The following RELCH variants were observed in gnomAD, a reference collection of about 807,000 sequenced individuals.
RELCH encodes the protein RAB11 binding and LisH domain, coiled-coil and HEAT repeat containing.
Under a neutral mutation model 150.3 loss-of-function variants are expected in RELCH, and 41 were observed. That is an observed-to-expected ratio of 0.27 (90% confidence interval 0.21 to 0.35). RELCH has a LOEUF of 0.35. Ranked by LOEUF, RELCH falls within the 10% of genes least tolerant of loss-of-function variation. The pLI is 1.00. For missense variants in RELCH, 1,092 were observed against 1,467.8 expected (o/e 0.74, Z 4.18); for synonymous variants, 478 against 531.8 (o/e 0.90, Z 1.39).
Position 62,187,612 on chromosome 18 carries a change from G to A in RELCH, c.107G>A (p.Arg36Gln). 1 of 1,534,292 alleles carries A rather than the reference G, an allele frequency of 6.5e-7. No homozygotes were observed. The highest frequency in any genetic ancestry group is 8.8e-7 in the Non-Finnish European group (1 of 1,139,218). The change falls in exon 1 of 29, where the codon CGG becomes CAG. Residue 36 changes from arginine to glutamine, a missense_variant. Transcript: ENST00000644646. ...GAGGTAGCTGCAACAGAGGAACGGC[G>A]GGCAGTACTTCGGCTGGGCGCCGGA... ...DDEVAATEER[R>Q]AVLRLGAGSG...
intron 25 of RELCH, 75 bp downstream of exon 25, chr18:62,282,519 C>T: frequency 6.9e-7 from 1 of 1,458,268 alleles, no homozygotes; most frequent in Non-Finnish European, 9.4e-7. Context: ...GAGGCCTTGT[C>T]ATGTATTAAA....
chr18:62,210,338 C>T (rs556838680), intron 1 of RELCH, among the ~76,000 whole-genome samples: 1 of 152,232 alleles, frequency 6.6e-6, no homozygotes, highest in South Asian at 2.1e-4. Flanking sequence ...ATATGTTAGA[C>T]CTTTTTTATT....
rs776312628 is a variant in RELCH at position 62,187,874 on chromosome 18, G to A, written c.369G>A (p.Glu123=). ...CCGAGCTGTTAGAGAGTGGCCGGGA[G>A]CTGCCTCGGCTGCGCGACTACTTCT... ...LHTELLESGR[E]LPRLRDYFSN... is the part of the protein sequence containing the mutation. Residue 123 remains glutamate, a synonymous_variant, in exon 1 of 29, where the codon GAG becomes GAA. Transcript: ENST00000644646. 1 of 1,592,826 alleles carries A rather than the reference G, an allele frequency of 6.3e-7. No individual in the cohort carries two copies. The highest frequency in any genetic ancestry group is 1.1e-5 in the South Asian group (1 of 88,412).
intron 1 of RELCH, 23 bp downstream of exon 1, chr18:62,188,054 A>G (rs765627019): frequency 7.0e-5 from 107 of 1,525,372 alleles, no homozygotes; most frequent in Middle Eastern, 5.5e-4. Flanking sequence ...AGCCTGTCAC[A>G]CTCCGGCAGG....
chr18:62,187,749 C>G lies in RELCH; in HGVS notation c.244C>G (p.Leu82Val). 6.2e-7 allele frequency: 1 copy of G among 1,612,042 alleles called. No homozygotes were observed. Among genetic ancestry groups the G allele is most frequent in the Non-Finnish European group, 8.5e-7 (1 of 1,179,008 alleles). The change falls in exon 1 of 29, where the codon CTG (leucine) becomes GTG (valine). Residue 82 changes from leucine to valine, a missense_variant. Leu to Val is a conservative substitution (Grantham distance 32, BLOSUM62 1). Coordinates refer to ENST00000644646, the MANE Select transcript of RELCH (RefSeq NM_001346231.2). ...PGEASAAAVA[L>V]GGTGETPARL... ...GGAGGCGTCGGCGGCTGCAGTGGCC[C>G]TGGGGGGCACCGGGGAGACCCCGGC...
chr18:62,222,095 T>C (rs574639918), intron 5 of RELCH, among the ~76,000 whole-genome samples: 25 of 152,070 alleles, frequency 1.6e-4, no homozygotes, highest in African/African-American at 5.1e-4. Flanking sequence ...ATCTTACACC[T>C]TAAAAAAGTA....
At chr18:62,223,189 A>T (rs563829988) in intron 5 of RELCH, among the ~76,000 whole-genome samples, 3 of 152,004 alleles carry the variant, frequency 2.0e-5, no homozygotes, top group Non-Finnish European at 4.4e-5. Flanking sequence ...AATGAAACAA[A>T]CAAGTAGTCC....
intron 8 of RELCH, among the ~76,000 whole-genome samples, chr18:62,229,660 T>A (rs537440563): frequency 2.6e-5 from 4 of 152,012 alleles, no homozygotes; most frequent in Non-Finnish European, 4.4e-5. Flanking sequence ...TCCAACTTGC[T>A]TTGGGAACAT....
Position 62,306,578 on chromosome 18 carries a change from A to G in RELCH, c.*1044A>G, listed in dbSNP as rs2061621597. 1 of 152,584 alleles carries G rather than the reference A, an allele frequency of 6.6e-6. No homozygotes were observed. The highest frequency in any genetic ancestry group is 2.4e-5 in the African/African-American group (1 of 41,450). The allele number at this position is 152,584 out of a possible 1,614,324, so 9.5% of individuals were successfully genotyped here. ...TTGGCTGAATTATAACTAGTTAGTT[A>G]TCACCTCGTCCCTTAAAGTCAGTGA... On this transcript the variant is annotated 3_prime_UTR_variant, in exon 29 of 29. Transcript: ENST00000644646.
chr18:62,266,709 T>A lies in RELCH; in HGVS notation c.2640T>A (p.Pro880=). The A allele has an allele frequency of 6.2e-7, 1 of 1,603,282 alleles. No individual in the cohort carries two copies. Among genetic ancestry groups the A allele is most frequent in the Non-Finnish European group, 8.5e-7 (1 of 1,173,012 alleles). The change falls in exon 19 of 29, where the codon CCT becomes CCA. Residue 880 remains proline (P), a synonymous_variant. Coordinates refer to ENST00000644646, the MANE Select transcript of RELCH (RefSeq NM_001346231.2). ...CTCTTTGGGTTGCTTAGGTAAAACC[T>A]CAGTTCCAGGAGATTTTAAGACTAT... The part of the protein sequence containing the change: ...GKIFTNTKVK[P]QFQEILRLSE...
At chr18:62,238,343 A>G (rs1008182382) in intron 10 of RELCH, among the ~76,000 whole-genome samples, 1 of 151,982 alleles carries the variant, frequency 6.6e-6, no homozygotes, top group African/African-American at 2.4e-5. Context: ...TGGCTTACAT[A>G]GTAGTTCATT....
chr18:62,187,886 G>T lies in RELCH; in HGVS notation c.381G>T (p.Leu127=). 6.3e-7 allele frequency: 1 copy of T among 1,594,624 alleles called. No homozygotes were observed. Among genetic ancestry groups the T allele is most frequent in the South Asian group, 1.1e-5 (1 of 88,492 alleles). The change falls in exon 1 of 29, where the codon CTG becomes CTT. Residue 127 remains leucine (L), a synonymous_variant. Transcript: ENST00000644646. ...AGAGTGGCCGGGAGCTGCCTCGGCT[G>T]CGCGACTACTTCTCCAATCCAGGCA... is the stretch of plus-strand genomic sequence containing the variant. ...LLESGRELPR[L]RDYFSNPGNF... is the part of the protein sequence containing the mutation.
intron 27 of RELCH, among the ~76,000 whole-genome samples, chr18:62,297,566 G>A (rs1323209735): frequency 6.6e-6 from 1 of 152,142 alleles, no homozygotes; most frequent in African/African-American, 2.4e-5. Context: ...CAAGAGAGTG[G>A]GGAAGCAGAG....
intron 24 of RELCH, among the ~76,000 whole-genome samples, chr18:62,281,637 A>C (rs1198296020): frequency 2.0e-5 from 3 of 152,268 alleles, no homozygotes; most frequent in Admixed American, 2.0e-4. Flanking sequence ...AAATGAAAAA[A>C]CCCTGTAGAT....
chr18:62,221,480 G>A lies in RELCH; in HGVS notation c.841G>A (p.Asp281Asn). The change falls in exon 5 of 29, where the codon GAT becomes AAT. Residue 281 changes from aspartate (D) to asparagine (N), a missense_variant. Asp to Asn is a conservative substitution (Grantham distance 23, BLOSUM62 1). This residue lies in a region of RELCH where 190 missense variants were observed against 276.2 expected (regional missense o/e 0.69). Transcript: ENST00000644646. ...TAAGCTTACATCAATAACCTTTTCA[G>A]ATGAAAACGATGATCAGGTAAAGTT... ...NYKLTSITFS[D>N]ENDDQDFELW... The A allele has an allele frequency of 6.9e-7, 1 of 1,458,830 alleles. No individual in the cohort carries two copies. Among genetic ancestry groups the A allele is most frequent in the Non-Finnish European group, 9.4e-7 (1 of 1,067,858 alleles). 90.4% of individuals were successfully genotyped at this position (1,458,830 alleles called of 1,614,324 possible).
At chr18:62,260,375 C>CAAA (rs201786752) in intron 15 of RELCH, among the ~76,000 whole-genome samples, 24 of 101,026 alleles carry the variant, frequency 2.4e-4, no homozygotes, top group Non-Finnish European at 3.9e-4. Context: ...ATTAAAAAGA[C>CAAA]AAAAAAAAAA....
At chr18:62,283,048 A>AT (rs2144967393) in intron 25 of RELCH, among the ~76,000 whole-genome samples, 1 of 152,316 alleles carries the variant, frequency 6.6e-6, no homozygotes, top group South Asian at 2.1e-4. Flanking sequence ...CTCAAACTTA[A>AT]TTTCAAGTTA....
chr18:62,302,398 G>T (rs566618239), intron 28 of RELCH, among the ~76,000 whole-genome samples: 7 of 152,194 alleles, frequency 4.6e-5, no homozygotes, highest in Non-Finnish European at 1.0e-4. Flanking sequence ...GCTCTGATGG[G>T]GAGAAGGTGA....
In RELCH at chr18:62,279,777, T is replaced by C; in HGVS notation, c.2971T>C (p.Leu991=). The C allele has an allele frequency of 6.5e-7, 1 of 1,534,900 alleles. No homozygotes were observed. Among genetic ancestry groups the C allele is most frequent in the Non-Finnish European group, 8.7e-7 (1 of 1,145,820 alleles). The change falls in exon 23 of 29, where the codon TTG becomes CTG. Residue 991 remains leucine (L), a synonymous_variant. Transcript: ENST00000644646. ...RCTAARMFEL[L]VKGVNETLVA... ...ACCCCCTGTGCTGACCAATCAGCTG[T>C]TGGTGAAGGGGGTGAATGAAACTCT...
Sources: allele counts gnomAD v4.1 joint callset (sites outside exome capture counted in the v4.1 genomes callset), GRCh38; gene constraint gnomAD v4.1.1; regional missense constraint gnomAD v4.1.1; transcripts MANE v1.5; gene names NCBI Gene and HGNC (gene_info 2026-07-23, HGNC 2026-07-21).